FRMD4A: variants seen among roughly 807,000 people sequenced by gnomAD.
FRMD4A encodes FERM domain-containing protein 4A.
In FRMD4A, 29 loss-of-function variants were observed where a neutral mutation model predicts 129.1. That is an observed-to-expected ratio of 0.22 (90% confidence interval 0.17 to 0.31). The LOEUF (loss-of-function observed/expected upper bound fraction) is 0.31, where lower values mean the gene tolerates loss of function less well. FRMD4A is among the 10% of genes least tolerant of loss of function. FRMD4A has a pLI of 1.00. For synonymous variants in FRMD4A, 634 were observed against 571.6 expected (o/e 1.11, Z -1.56); for missense variants, 1,272 against 1,375.8 (o/e 0.92, Z 1.19).
chr10:13,720,104 A>G lies in FRMD4A; in HGVS notation c.760-12991T>C, dbSNP rs117019364. The stretch of plus-strand genomic sequence containing the variant: ...TGCTGTGTCGCCCAGGCTGTGGTGC[A>G]GTGGGGTGATCTTGGCTCACTGCAA... On this transcript the variant is annotated intron_variant, in intron 12 of 24. Coordinates refer to ENST00000357447, the MANE Select transcript of FRMD4A (RefSeq NM_018027.5). 5.9e-4 allele frequency among the ~76,000 whole-genome samples: 90 copies of G among 152,260 alleles called. No homozygotes were observed. In the East Asian group the frequency reaches 0.017, roughly 29 times the overall value.
intron 4 of FRMD4A, among the ~76,000 whole-genome samples, chr10:13,803,509 T>G (rs2093299700): frequency 7.9e-6 from 1 of 125,940 alleles, no homozygotes. Context: ...TTAAACAAAT[T>G]TTTTTTTTTG....
At chr10:14,138,700 C>CG (rs1839672716) in intron 2 of FRMD4A, among the ~76,000 whole-genome samples, 1 of 151,306 alleles carries the variant, frequency 6.6e-6, no homozygotes, top group Non-Finnish European at 1.5e-5. Context: ...GTGGAGGTTG[C>CG]AGTGAGCCGA....
intron 2 of FRMD4A, chr10:13,991,721 T>C (rs1368689525): frequency 6.6e-6 from 1 of 152,644 alleles, no homozygotes; most frequent in Non-Finnish European, 1.5e-5. Context: ...TTACTCTCAA[T>C]GGGCTACGTT....
At chr10:14,292,262 AG>A (rs1845872231) in intron 2 of FRMD4A, among the ~76,000 whole-genome samples, 1 of 152,254 alleles carries the variant, frequency 6.6e-6, no homozygotes, top group African/African-American at 2.4e-5. Flanking sequence ...AAGCTATAGT[AG>A]TTAAGACAGT....
At chr10:13,734,659 C>T (rs1197949551) in intron 12 of FRMD4A, among the ~76,000 whole-genome samples, 4 of 150,926 alleles carry the variant, frequency 2.7e-5, no homozygotes, top group African/African-American at 2.4e-5. Context: ...TCTCCTTACA[C>T]CCAGTTGACG....
chr10:14,164,535 A>G (rs965723679), intron 2 of FRMD4A, among the ~76,000 whole-genome samples: 2 of 152,284 alleles, frequency 1.3e-5, no homozygotes, highest in East Asian at 3.9e-4. Context: ...CCATCCCGTG[A>G]TTCCCGGTGC....
intron 2 of FRMD4A, among the ~76,000 whole-genome samples, chr10:14,228,160 C>T (rs2131983400): frequency 6.6e-6 from 1 of 152,292 alleles, no homozygotes; most frequent in South Asian, 2.1e-4. Flanking sequence ...GTGTGAGCCA[C>T]CGCACCCAGC....
At chr10:13,827,248 C>T (rs1404234123) in intron 3 of FRMD4A, among the ~76,000 whole-genome samples, 1 of 152,136 alleles carries the variant, frequency 6.6e-6, no homozygotes, top group Non-Finnish European at 1.5e-5. Flanking sequence ...GGGTATCAGG[C>T]ATCATGGCTT....
At chr10:14,123,143 C>T (rs2131813901) in intron 2 of FRMD4A, among the ~76,000 whole-genome samples, 1 of 151,838 alleles carries the variant, frequency 6.6e-6, no homozygotes, top group East Asian at 1.9e-4. Flanking sequence ...AAAAACAAAA[C>T]AAAACTAAAA....
chr10:13,672,003 A>G (rs1365896125), intron 16 of FRMD4A, among the ~76,000 whole-genome samples: 1 of 152,256 alleles, frequency 6.6e-6, no homozygotes, highest in Non-Finnish European at 1.5e-5. Flanking sequence ...CAGGCGGGAA[A>G]ATCCAAATCA....
At chr10:14,317,307 G>T (rs1846776875) in intron 2 of FRMD4A, among the ~76,000 whole-genome samples, 1 of 152,068 alleles carries the variant, frequency 6.6e-6, no homozygotes, top group African/African-American at 2.4e-5. Flanking sequence ...ATGTCACATA[G>T]TTGCTGGGAC....
At chr10:14,087,928 T>TCCCCACCTTC (rs1836390972) in intron 2 of FRMD4A, among the ~76,000 whole-genome samples, 1 of 152,200 alleles carries the variant, frequency 6.6e-6, no homozygotes, top group African/African-American at 2.4e-5. Context: ...CAGCGGCTTC[T>TCCCCACCTTC]GCTGGATACT....
At chr10:14,146,610 C>T (rs1182767404) in intron 2 of FRMD4A, among the ~76,000 whole-genome samples, 1 of 152,028 alleles carries the variant, frequency 6.6e-6, no homozygotes, top group African/African-American at 2.4e-5. Flanking sequence ...TAGAGATTTG[C>T]CCTCCCAGAA....
intron 2 of FRMD4A, among the ~76,000 whole-genome samples, chr10:14,066,008 T>TGTGTGTGTGTATG (rs1588899002): frequency 7.2e-6 from 1 of 139,128 alleles, no homozygotes; most frequent in African/African-American, 2.7e-5. Flanking sequence ...GGGTATGTAT[T>TGTGTGTGTGTATG]TGTGTGTGTG....
At chr10:13,995,614 C>T (rs1177176122) in intron 2 of FRMD4A, among the ~76,000 whole-genome samples, 3 of 152,114 alleles carry the variant, frequency 2.0e-5, no homozygotes, top group Non-Finnish European at 4.4e-5. Flanking sequence ...TGCAGATGGA[C>T]GCTATGGCTG....
At chr10:13,954,258 G>A (rs2095394255) in intron 2 of FRMD4A, among the ~76,000 whole-genome samples, 1 of 152,212 alleles carries the variant, frequency 6.6e-6, no homozygotes, top group South Asian at 2.1e-4. Context: ...ACACACCTGA[G>A]ACTGAGTAAT....
At chr10:14,015,005 TTC>T (rs2095694006) in intron 2 of FRMD4A, among the ~76,000 whole-genome samples, 1 of 135,260 alleles carries the variant, frequency 7.4e-6, no homozygotes, top group African/African-American at 2.8e-5. Flanking sequence ...ATCTCCTTCC[TTC>T]CTCCCTCCCT....
At chr10:13,893,311 C>T (rs914348097) in intron 2 of FRMD4A, among the ~76,000 whole-genome samples, 4 of 152,068 alleles carry the variant, frequency 2.6e-5, no homozygotes, top group Non-Finnish European at 4.4e-5. Context: ...AAGCCAGGTT[C>T]GAATGGGATT....
At chr10:13,823,409 C>T (rs1462372627) in intron 3 of FRMD4A, among the ~76,000 whole-genome samples, 6 of 152,174 alleles carry the variant, frequency 3.9e-5, no homozygotes, top group African/African-American at 1.4e-4. Context: ...ATAACTGTTT[C>T]GGTAAGGAGA....
Sources: allele counts gnomAD v4.1 joint callset (sites outside exome capture counted in the v4.1 genomes callset), GRCh38; gene constraint gnomAD v4.1.1; transcripts MANE v1.5; gene names NCBI Gene and HGNC (gene_info 2026-07-23, HGNC 2026-07-21).